SLC9A1: variants seen among roughly 807,000 people sequenced by gnomAD.
The protein encoded by SLC9A1 is solute carrier family 9 member A1, also known as sodium/hydrogen exchanger 1.
A neutral mutation model predicts 67.9 loss-of-function variants in SLC9A1; 22 were observed. The ratio of observed to expected loss-of-function variants is 0.32; its 90% confidence interval spans 0.23 to 0.46. The LOEUF is 0.46. Among genes scored for constraint, SLC9A1 ranks in the 20% least tolerant of loss-of-function variants. The probability of loss-of-function intolerance (pLI) is 1.00; values close to 1 mark genes in which losing one functional copy is unlikely to be tolerated. For missense variants in SLC9A1, 686 were observed against 1,094.8 expected (o/e 0.63, Z 5.27); for synonymous variants, 421 against 471.8 (o/e 0.89, Z 1.40).
Position 27,153,999 on chromosome 1 carries a change from G to A in SLC9A1, c.336C>T (p.Ala112=), listed in dbSNP as rs772156927. ...PFEISLWILL[A]CLMKIGFHVI... is the part of the protein sequence containing the mutation. ...GGGACTTACCTATCTTCATGAGGCA[G>A]GCCAGAAGGATCCAGAGGGAGATCT... The change falls in exon 1 of 12, where the codon GCC becomes GCT. Residue 112 remains alanine, a synonymous_variant. Coordinates refer to ENST00000263980, the MANE Select transcript of SLC9A1 (RefSeq NM_003047.5). The A allele has an allele frequency of 2.5e-5, 40 of 1,571,930 alleles. No homozygotes were observed. The highest frequency in any genetic ancestry group is 1.7e-4 in the Middle Eastern group (1 of 5,914).
At chr1:27,110,496 C>T (rs1401590824) in intron 2 of SLC9A1, among the ~76,000 whole-genome samples, 1 of 152,228 alleles carries the variant, frequency 6.6e-6, no homozygotes, top group Non-Finnish European at 1.5e-5. Context: ...TAAGGCATCC[C>T]TGTCTCCTGG....
chr1:27,140,161 T>G (rs2083445406), intron 1 of SLC9A1, among the ~76,000 whole-genome samples: 1 of 151,634 alleles, frequency 6.6e-6, no homozygotes, highest in South Asian at 2.1e-4. Flanking sequence ...CCCACCCACC[T>G]CCACTCCTCC....
intron 2 of SLC9A1, among the ~76,000 whole-genome samples, chr1:27,110,840 C>A (rs1315424653): frequency 6.6e-6 from 1 of 152,178 alleles, no homozygotes; most frequent in Non-Finnish European, 1.5e-5. Flanking sequence ...CTAGACAGCT[C>A]TGCCAGGAAG....
Position 27,107,640 on chromosome 1 carries a change from G to A in SLC9A1, c.1282+8C>T, listed in dbSNP as rs1557739212. On this transcript the variant is annotated splice_region_variant and intron_variant, in intron 4 of 11. Transcript: ENST00000263980. Reference sequence around the variant, plus strand: ...CAACCCCCACCCCGCCCCAGCCCTGGCCCTCACCCAGCACGCGGGCGATGA... The same window carrying A: ...CAACCCCCACCCCGCCCCAGCCCTGACCCTCACCCAGCACGCGGGCGATGA... 6.5e-7 allele frequency: 1 copy of A among 1,546,608 alleles called. No individual in the cohort carries two copies. Among genetic ancestry groups the A allele is most frequent in the South Asian group, 1.2e-5 (1 of 83,994 alleles).
intron 1 of SLC9A1, among the ~76,000 whole-genome samples, chr1:27,147,885 T>C (rs1461138826): frequency 4.6e-5 from 7 of 151,730 alleles, no homozygotes; most frequent in Admixed American, 4.6e-4. Context: ...TCCCCACTAC[T>C]CAGGAGGCTG....
chr1:27,133,541 G>A (rs2083399766), intron 1 of SLC9A1, among the ~76,000 whole-genome samples: 1 of 152,142 alleles, frequency 6.6e-6, no homozygotes, highest in Admixed American at 6.5e-5. Flanking sequence ...GTCCTGGCTT[G>A]ACTTCTTGGG....
intron 1 of SLC9A1, among the ~76,000 whole-genome samples, chr1:27,120,219 G>A (rs1197065266): frequency 2.6e-5 from 4 of 151,806 alleles, no homozygotes; most frequent in Admixed American, 6.6e-5. Flanking sequence ...TCTGCCTCCC[G>A]GGTTCAAGTG....
chr1:27,103,530 C>T (rs2083162556), intron 5 of SLC9A1: 1 of 574,148 alleles, frequency 1.7e-6, no homozygotes, highest in African/African-American at 1.9e-5. Context: ...TCAGAGGTTT[C>T]ACTGCCAAAT....
At chr1:27,139,845 T>G (rs1221488631) in intron 1 of SLC9A1, among the ~76,000 whole-genome samples, 1 of 150,190 alleles carries the variant, frequency 6.7e-6, no homozygotes. Context: ...CAGGCTAGAG[T>G]GCAGTGAGGC....
intron 1 of SLC9A1, among the ~76,000 whole-genome samples, chr1:27,147,741 A>G (rs147933193): frequency 1.3e-5 from 2 of 152,220 alleles, no homozygotes; most frequent in African/African-American, 2.4e-5. Context: ...TACGCCTGTA[A>G]TCCAGCACTT....
In SLC9A1 at chr1:27,114,323, C is replaced by T. The variant is rs116695839; in HGVS notation, c.353-37G>A. ...GAGAGAACGGGAGGCCATGGGCTTT[C>T]GGAGGAGCCAGGAGAATAGAAGGTT... On this transcript the variant is annotated intron_variant, in intron 1 of 11. Coordinates refer to ENST00000263980, the MANE Select transcript of SLC9A1 (RefSeq NM_003047.5). This position sits in a 1 kb window ranked among gnomAD's most constrained non-coding sequence, Gnocchi z 5.4. 3.2e-3 allele frequency: 4,981 copies of T among 1,550,284 alleles called. 136 individuals carry two copies. In the African/African-American group the frequency reaches 0.058, roughly 18 times the overall value.
chr1:27,133,007 G>A (rs2083396438), intron 1 of SLC9A1, among the ~76,000 whole-genome samples: 1 of 152,134 alleles, frequency 6.6e-6, no homozygotes, highest in African/African-American at 2.4e-5. Flanking sequence ...AATGCTTCCT[G>A]GGAGGGAGCA....
intron 1 of SLC9A1, among the ~76,000 whole-genome samples, chr1:27,121,439 T>A (rs887487494): frequency 1.3e-5 from 2 of 152,208 alleles, no homozygotes; most frequent in African/African-American, 2.4e-5. Context: ...CATTTTCTTG[T>A]CTGTAAACAA....
At chr1:27,126,925 T>C (rs1464013877) in intron 1 of SLC9A1, among the ~76,000 whole-genome samples, 1 of 152,114 alleles carries the variant, frequency 6.6e-6, no homozygotes, top group African/African-American at 2.4e-5. Flanking sequence ...CAAGAAGGCC[T>C]GGCAGGCAAA....
Position 27,114,414 on chromosome 1 carries a change from C to T in SLC9A1, c.353-128G>A, listed in dbSNP as rs1369931312. ...GCACAGGCTGGGTCTCAGAGGGCTG[C>T]TCTGTTAACTCTCTGAGCCTCCGCT... is the stretch of plus-strand genomic sequence containing the variant. On this transcript the variant is annotated intron_variant, in intron 1 of 11. Coordinates refer to ENST00000263980, the MANE Select transcript of SLC9A1 (RefSeq NM_003047.5). The surrounding 1 kb of genome is among the most constrained non-coding windows in gnomAD (Gnocchi z 5.4). The T allele has an allele frequency of 3.0e-6, 2 of 666,892 alleles. No homozygotes were observed. The highest frequency in any genetic ancestry group is 5.2e-6 in the Non-Finnish European group (2 of 385,498). The allele number at this position is 666,892 out of a possible 1,614,324, so 41.3% of individuals were successfully genotyped here. A position where few individuals can be genotyped will look rare whatever the true frequency, so the allele number is the denominator to read the frequency against.
rs1008305745 is a variant in SLC9A1, at chr1:27,118,612, C to A, written c.353-4326G>T. On this transcript the variant is annotated intron_variant, in intron 1 of 11. Coordinates refer to ENST00000263980, the MANE Select transcript of SLC9A1 (RefSeq NM_003047.5). The surrounding 1 kb of genome is among the most constrained non-coding windows in gnomAD (Gnocchi z 4.3). ...GCATGGAGGCAAGATCCCAGGATGC[C>A]AAGAGATGAGGCAAAACTTTCAGGG... Among the ~76,000 whole-genome samples the A allele has an allele frequency of 5.3e-5, 8 of 152,144 alleles. No individual in the cohort carries two copies. The highest frequency in any genetic ancestry group is 5.9e-5 in the Non-Finnish European group (4 of 68,022).
chr1:27,146,074 G>A (rs1344061580), intron 1 of SLC9A1, among the ~76,000 whole-genome samples: 2 of 152,170 alleles, frequency 1.3e-5, no homozygotes, highest in Non-Finnish European at 2.9e-5. Context: ...GGGGAGACAT[G>A]CCTGACTCAG....
intron 2 of SLC9A1, among the ~76,000 whole-genome samples, chr1:27,113,318 G>A (rs1257005547): frequency 2.6e-5 from 4 of 152,076 alleles, no homozygotes; most frequent in Non-Finnish European, 2.9e-5. Context: ...AAATTAGCCG[G>A]GTGTGGTGGT....
chr1:27,143,499 T>C (rs1243567130), intron 1 of SLC9A1, among the ~76,000 whole-genome samples: 2 of 152,186 alleles, frequency 1.3e-5, no homozygotes, highest in East Asian at 3.9e-4. Flanking sequence ...TCTGTACTTG[T>C]ACAAAGCCCT....
Sources: gnomAD v4.1 joint callset for allele counts (sites outside exome capture counted in the v4.1 genomes callset) on GRCh38, gnomAD v4.1.1 for gene constraint, Gnocchi (gnomAD v3.1) non-coding constraint, MANE v1.5 for transcripts, NCBI Gene and HGNC (gene_info 2026-07-23, HGNC 2026-07-21) for gene names.